The following TM7SF3 variants were observed in gnomAD, a reference collection of about 807,000 sequenced individuals.
TM7SF3 encodes the protein transmembrane 7 superfamily member 3.
In TM7SF3, 60 loss-of-function variants were observed where a neutral mutation model predicts 65.5. The observed-to-expected ratio is 0.92, with a 90% CI of 0.74 to 1.14. The LOEUF is 1.14. Among genes scored for constraint, TM7SF3 ranks in the 50% most tolerant of loss-of-function variants. The pLI is 0.00. For missense variants in TM7SF3, 623 were observed against 684.8 expected (o/e 0.91, Z 1.01); for synonymous variants, 264 against 259.6 (o/e 1.02, Z -0.16).
intron 6 of TM7SF3, among the ~76,000 whole-genome samples, chr12:26,985,806 GTTTTTTTTTTTT>G (rs149988617): frequency 1.1e-4 from 6 of 52,818 alleles, no homozygotes; most frequent in Admixed American, 3.5e-4. Context: ...TTTCTTTTTC[GTTTTTTTTTTTT>G]TTTTTTTTTT....
Position 26,973,863 on chromosome 12 carries a change from G to GAT in TM7SF3, c.*100_*101dup. 7.1e-7 allele frequency: 1 copy of GAT among 1,409,322 alleles called. No homozygotes were observed. The highest frequency in any genetic ancestry group is 9.6e-7 in the Non-Finnish European group (1 of 1,042,746). The allele number at this position is 1,409,322 out of a possible 1,614,324, so 87.3% of individuals were successfully genotyped here. A position where few individuals can be genotyped will look rare whatever the true frequency, so the allele number is the denominator to read the frequency against. ...GCACCATAATATTATGCAAAGAACAGATATATATGCCTGATCTCTTATTAG... is the reference window on the plus strand; with the variant it reads ...GCACCATAATATTATGCAAAGAACAGATATATATATGCCTGATCTCTTATTAG... On this transcript the variant is annotated 3_prime_UTR_variant, in exon 12 of 12. Transcript: ENST00000343028.
rs905396236 is a variant in TM7SF3 at position 26,972,757 on chromosome 12, T to C, written c.*1208A>G. On this transcript the variant is annotated 3_prime_UTR_variant, in exon 12 of 12. Coordinates refer to ENST00000343028, the MANE Select transcript of TM7SF3 (RefSeq NM_016551.3). ...GAGCCACCGCACCTGGTCGGCAATA[T>C]AGATTAAGGTGGGGGTTATTTCCTA... Among the ~76,000 whole-genome samples, 1 of 151,876 alleles carries C rather than the reference T, an allele frequency of 6.6e-6. No individual in the cohort carries two copies. Among genetic ancestry groups the C allele is most frequent in the Non-Finnish European group, 1.5e-5 (1 of 67,994 alleles).
intron 2 of TM7SF3, among the ~76,000 whole-genome samples, chr12:27,001,238 G>T (rs75014618): frequency 0.088 from 13,409 of 152,102 alleles, 711 homozygotes; most frequent in East Asian, 0.24. Flanking sequence ...ATAACAGTGG[G>T]AACTAAAGGC....
In TM7SF3 at chr12:27,003,269, T is replaced by C. The variant is rs778736512; in HGVS notation, c.213A>G (p.Ser71=). The C allele has an allele frequency of 8.1e-6, 13 of 1,612,706 alleles. No individual in the cohort carries two copies. Among genetic ancestry groups the C allele is most frequent in the Middle Eastern group, 1.7e-4 (1 of 6,048 alleles). The change falls in exon 2 of 12, where the codon TCA becomes TCG. Residue 71 remains serine (S), a synonymous_variant. Transcript: ENST00000343028. ...NVTFLIFQIH[S]QYQNTTVSFS... is the part of the protein sequence containing the mutation. ...AGGAAACAGTTGTATTCTGATACTG[T>C]GAGTGTATTTGGAAAATAAGAAAAG...
rs1243723437 is a variant in TM7SF3, at chr12:26,973,935, C to A, written c.*30G>T. 2 of 1,607,440 alleles carry A rather than the reference C, an allele frequency of 1.2e-6. No individual in the cohort carries two copies. Among genetic ancestry groups the A allele is most frequent in the East Asian group, 2.2e-5 (1 of 44,854 alleles). ...ACCACTCCAGGCATGAACTCCAAAG[C>A]TGAGGCACACTGACCAAGCCCCTGG... On this transcript the variant is annotated 3_prime_UTR_variant, in exon 12 of 12. Transcript: ENST00000343028.
At position 26,979,767 on chromosome 12, in the gene TM7SF3, T is replaced by C. The variant is rs2136381851; in HGVS notation, c.1189+17A>G. 1 of 1,613,304 alleles carries C rather than the reference T, an allele frequency of 6.2e-7. No homozygotes were observed. On this transcript the variant is annotated intron_variant, in intron 9 of 11. Transcript: ENST00000343028. ...CAGTCACTCGAACACACAAAACATCTGTTACATATCGCCTACCCAGTGGAG... is the reference window on the plus strand; with the variant it reads ...CAGTCACTCGAACACACAAAACATCCGTTACATATCGCCTACCCAGTGGAG...
chr12:26,976,723 T>C (rs1408307649), intron 9 of TM7SF3, among the ~76,000 whole-genome samples: 1 of 152,226 alleles, frequency 6.6e-6, no homozygotes, highest in African/African-American at 2.4e-5. Context: ...AATCACCTGT[T>C]AGCTCTACAT....
intron 9 of TM7SF3, among the ~76,000 whole-genome samples, chr12:26,977,408 A>G (rs562698048): frequency 1.3e-5 from 2 of 152,368 alleles, no homozygotes; most frequent in East Asian, 1.9e-4. Flanking sequence ...CAATCTAATC[A>G]GATTGTAGTG....
intron 1 of TM7SF3, among the ~76,000 whole-genome samples, chr12:27,004,971 C>G (rs1047877876): frequency 1.3e-5 from 2 of 152,114 alleles, no homozygotes; most frequent in African/African-American, 4.8e-5. Context: ...GTAGGGAAGT[C>G]TGGAAAAAGT....
intron 11 of TM7SF3, 89 bp downstream of exon 11, chr12:26,975,407 A>T: frequency 7.2e-7 from 1 of 1,388,024 alleles, no homozygotes; most frequent in Non-Finnish European, 9.9e-7. Flanking sequence ...GACTTTCTTT[A>T]AATTTAGTTT....
At chr12:26,984,537 T>C (rs2136393019) in intron 6 of TM7SF3, among the ~76,000 whole-genome samples, 1 of 152,188 alleles carries the variant, frequency 6.6e-6, no homozygotes, top group African/African-American at 2.4e-5. Flanking sequence ...ATTCTAGAAT[T>C]TAATTTTTAC....
chr12:27,010,622 T>C (rs1401401782), intron 1 of TM7SF3, among the ~76,000 whole-genome samples: 1 of 152,254 alleles, frequency 6.6e-6, no homozygotes, highest in Admixed American at 6.5e-5. Flanking sequence ...AAGCATTTTA[T>C]GAGGCATAAT....
intron 1 of TM7SF3, among the ~76,000 whole-genome samples, chr12:27,006,939 A>G (rs1264642045): frequency 1.3e-5 from 2 of 152,242 alleles, no homozygotes; most frequent in East Asian, 3.8e-4. Flanking sequence ...TTTGTGGAAG[A>G]CTATTCCAGA....
chr12:27,008,172 G>A (rs1028906118), intron 1 of TM7SF3, among the ~76,000 whole-genome samples: 2 of 152,100 alleles, frequency 1.3e-5, no homozygotes, highest in African/African-American at 4.8e-5. Flanking sequence ...TCAACTTACT[G>A]TAGGAAAGTG....
chr12:27,000,107 G>A (rs1434309526), intron 2 of TM7SF3, among the ~76,000 whole-genome samples: 2 of 152,226 alleles, frequency 1.3e-5, no homozygotes, highest in East Asian at 3.9e-4. Flanking sequence ...CTTTTATAAG[G>A]CCACTAATCC....
At chr12:26,999,496 G>T in intron 3 of TM7SF3, 30 bp downstream of exon 3, 1 of 1,608,452 alleles carries the variant, frequency 6.2e-7, no homozygotes, top group Non-Finnish European at 8.5e-7. Flanking sequence ...ATTCCAAAGA[G>T]TAAGAGGGAG....
In TM7SF3 at chr12:26,979,895, T is replaced by C; in HGVS notation, c.1078A>G (p.Met360Val). 1 of 1,614,094 alleles carries C rather than the reference T, an allele frequency of 6.2e-7. No individual in the cohort carries two copies. Among genetic ancestry groups the C allele is most frequent in the Non-Finnish European group, 8.5e-7 (1 of 1,179,994 alleles). ...CGCCACCACACAGCTACCAAGAACATTCCACCGACGCTTCCAGTGACAGCT... is the reference window on the plus strand; with the variant it reads ...CGCCACCACACAGCTACCAAGAACACTCCACCGACGCTTCCAGTGACAGCT... ...LTAVTGSVGG[M>V]FLVAVWWRFG... Residue 360 changes from methionine (M) to valine (V), a missense_variant, in exon 9 of 12, where the codon ATG becomes GTG. Met to Val is a conservative substitution (Grantham distance 21, BLOSUM62 1). Transcript: ENST00000343028.
At position 26,973,097 on chromosome 12, in the gene TM7SF3, AG is replaced by A. The variant is rs1939426914; in HGVS notation, c.*867del. 1 of 152,130 alleles carries A rather than the reference AG, an allele frequency of 6.6e-6. No homozygotes were observed. Among genetic ancestry groups the A allele is most frequent in the East Asian group, 1.9e-4 (1 of 5,204 alleles). 9.4% of individuals were successfully genotyped at this position (152,130 alleles called of 1,614,324 possible). On this transcript the variant is annotated 3_prime_UTR_variant, in exon 12 of 12. Coordinates refer to ENST00000343028, the MANE Select transcript of TM7SF3 (RefSeq NM_016551.3). ...TTAAAAAATACTGAAAAAAAAACAAAGGGTAACTTTTGGATAATGTATGATA... is the reference window on the plus strand; with the variant it reads ...TTAAAAAATACTGAAAAAAAAACAAAGGTAACTTTTGGATAATGTATGATA...
At chr12:26,979,763 C>T (rs1262245049) in intron 9 of TM7SF3, 21 bp downstream of exon 9, 1 of 1,607,494 alleles carries the variant, frequency 6.2e-7, no homozygotes, top group Admixed American at 1.7e-5. Flanking sequence ...ACACACAAAA[C>T]ATCTGTTACA....
Sources: gnomAD v4.1 joint callset for allele counts (sites outside exome capture counted in the v4.1 genomes callset) on GRCh38, gnomAD v4.1.1 for gene constraint, MANE v1.5 for transcripts, NCBI Gene and HGNC (gene_info 2026-07-23, HGNC 2026-07-21) for gene names.